TENM1: variants seen among roughly 807,000 people sequenced by gnomAD.
TENM1 encodes the protein teneurin transmembrane protein 1, also known as teneurin-1.
In TENM1, 35 loss-of-function variants were observed where a neutral mutation model predicts 174.8. The ratio of observed to expected loss-of-function variants is 0.20; its 90% CI spans 0.15 to 0.27. The LOEUF is 0.27. Among genes scored for constraint, TENM1 ranks in the 10% least tolerant of loss-of-function variants. The pLI, the probability that TENM1 is intolerant of heterozygous loss-of-function variation, is 1.00. For synonymous variants in TENM1, 781 were observed against 798.7 expected (o/e 0.98, Z 0.37); for missense variants, 1,633 against 2,130.1 (o/e 0.77, Z 4.59).
chrX:124,497,217 G>T, exon 20 of TENM1: 1 of 1,208,726 alleles, frequency 8.3e-7, no homozygotes, highest in Non-Finnish European at 1.1e-6. Flanking sequence ...TATGACTGGG[G>T]GCTGCTGGGA....
At chrX:125,175,386 C>T in the TENM1 span, among the ~76,000 whole-genome samples, 1 of 111,275 alleles carries the variant, frequency 9.0e-6, no homozygotes. Flanking sequence ...ATATTCCATA[C>T]ACAGTCCTCT....
At chrX:125,088,967 G>A in the TENM1 span, among the ~76,000 whole-genome samples, 12 of 111,212 alleles carry the variant, frequency 1.1e-4, no homozygotes, top group African/African-American at 2.3e-4. Context: ...CACCAGTGAC[G>A]TAAAAAGGAC....
the TENM1 span, among the ~76,000 whole-genome samples, chrX:125,022,661 A>T: frequency 9.0e-6 from 1 of 111,383 alleles, no homozygotes; most frequent in South Asian, 3.8e-4. Flanking sequence ...TCTTTGAAAA[A>T]TTTGTGTTTA....
intron 18 of TENM1, among the ~76,000 whole-genome samples, chrX:124,510,412 T>G (rs989302229): frequency 5.3e-5 from 6 of 112,481 alleles, no homozygotes; most frequent in Non-Finnish European, 9.4e-5. Flanking sequence ...AGCCTTGAAG[T>G]AGAGGTGCCA....
intron 3 of TENM1, among the ~76,000 whole-genome samples, chrX:124,856,598 G>A (rs1239580123): frequency 1.8e-5 from 2 of 111,248 alleles, no homozygotes; most frequent in Non-Finnish European, 3.8e-5. Context: ...GCTTCTAAAG[G>A]TCAGTAGGTT....
the TENM1 span, among the ~76,000 whole-genome samples, chrX:125,090,972 T>C: frequency 9.0e-6 from 1 of 111,583 alleles, no homozygotes; most frequent in African/African-American, 3.3e-5. Context: ...TTACATATTT[T>C]AGATTTTAAT....
At chrX:125,135,528 G>A in the TENM1 span, among the ~76,000 whole-genome samples, 1 of 111,617 alleles carries the variant, frequency 9.0e-6, no homozygotes, top group East Asian at 2.8e-4. Flanking sequence ...CACTTTTACC[G>A]ACACTAAAAA....
At chrX:124,611,147 G>T (rs1007697674) in intron 11 of TENM1, among the ~76,000 whole-genome samples, 2 of 111,997 alleles carry the variant, frequency 1.8e-5, no homozygotes, top group African/African-American at 6.5e-5. Context: ...ATGCAGTTCA[G>T]AAGGTGGTGC....
chrX:124,588,689 T>C (rs5910097), intron 11 of TENM1, among the ~76,000 whole-genome samples: 25,474 of 110,035 alleles, frequency 0.23, 2,279 homozygotes, highest in South Asian at 0.42. Flanking sequence ...ACTTAAAGTA[T>C]AATAATAATA....
chrX:124,741,824 G>T (rs186512024), intron 3 of TENM1, among the ~76,000 whole-genome samples: 1 of 112,098 alleles, frequency 8.9e-6, no homozygotes, highest in African/African-American at 3.2e-5. Flanking sequence ...GTATTCTTAC[G>T]CAGTTCATTC....
rs561548680 is a variant in TENM1, at chrX:124,615,952, C to T, written c.2077+25839G>A. 3.7e-4 allele frequency among the ~76,000 whole-genome samples: 42 copies of T among 112,517 alleles called. No individual in the cohort carries two copies. In the South Asian group the frequency reaches 0.015, roughly 40 times the overall value. ...TAAACACTCAGATCTGAACCAGCCA[C>T]TGGTGGGGTCACACACACACACAAA... On this transcript the variant is annotated intron_variant, in intron 11 of 31. Coordinates refer to ENST00000422452, the Ensembl canonical transcript of TENM1.
At chrX:124,578,297 G>A (rs2049221012) in intron 11 of TENM1, among the ~76,000 whole-genome samples, 1 of 111,496 alleles carries the variant, frequency 9.0e-6, no homozygotes, top group African/African-American at 3.3e-5. Flanking sequence ...TTGGCATTAC[G>A]CTTTCATTTT....
At chrX:124,572,329 A>G (rs983296760) in intron 11 of TENM1, among the ~76,000 whole-genome samples, 3 of 111,914 alleles carry the variant, frequency 2.7e-5, no homozygotes, top group Non-Finnish European at 5.6e-5. Context: ...CATAATGATT[A>G]AAGAAAAATT....
chrX:124,433,400 T>C (rs959953177), intron 23 of TENM1, among the ~76,000 whole-genome samples: 5 of 111,778 alleles, frequency 4.5e-5, no homozygotes, highest in Admixed American at 9.5e-5. Context: ...ACCTAATGAT[T>C]AACCTCAAGC....
At chrX:124,879,982 G>C (rs754684465) in intron 3 of TENM1, among the ~76,000 whole-genome samples, 52 of 112,023 alleles carry the variant, frequency 4.6e-4, no homozygotes, top group African/African-American at 1.5e-3. Context: ...CAGGAAGTGT[G>C]ATGCTTCCAG....
the TENM1 span, among the ~76,000 whole-genome samples, chrX:125,117,448 G>C: frequency 9.0e-6 from 1 of 111,255 alleles, no homozygotes; most frequent in Admixed American, 9.6e-5. Context: ...AACTAACACA[G>C]GAACAGAAAA....
intron 6 of TENM1, among the ~76,000 whole-genome samples, chrX:124,657,687 G>A (rs745885256): frequency 1.1e-4 from 12 of 111,303 alleles, no homozygotes; most frequent in Non-Finnish European, 2.1e-4. Context: ...TGCAAAACTC[G>A]GTTGAATATT....
intron 3 of TENM1, among the ~76,000 whole-genome samples, chrX:124,878,851 CT>C (rs1312810341): frequency 9.0e-6 from 1 of 111,693 alleles, no homozygotes; most frequent in African/African-American, 3.3e-5. Flanking sequence ...AGAGTGAAGG[CT>C]GGCTCACGGA....
chrX:124,983,604 G>A, the TENM1 span, among the ~76,000 whole-genome samples: 18 of 110,617 alleles, frequency 1.6e-4, no homozygotes, highest in African/African-American at 5.2e-4. Context: ...TATGCAAGAA[G>A]TGATATGAAG....
Sources: gnomAD v4.1 joint callset for allele counts (sites outside exome capture counted in the v4.1 genomes callset) on GRCh38, gnomAD v4.1.1 for gene constraint, MANE v1.5 for transcripts, NCBI Gene and HGNC (gene_info 2026-07-23, HGNC 2026-07-21) for gene names.